The following MKNK1 variants were observed in gnomAD, a reference collection of about 807,000 sequenced individuals.
The protein encoded by MKNK1 is MAP kinase-interacting serine/threonine-protein kinase 1.
In MKNK1, 30 loss-of-function variants were observed where a neutral mutation model predicts 49.3. That is an observed-to-expected ratio of 0.61 (90% CI 0.46 to 0.83). The LOEUF (loss-of-function observed/expected upper bound fraction) is 0.83, where lower values mean the gene tolerates loss of function less well. Among genes scored for constraint, MKNK1 ranks in the 40% least tolerant of loss-of-function variants. The pLI is 0.00. For synonymous variants in MKNK1, 176 were observed against 201.7 expected (o/e 0.87, Z 1.08); for missense variants, 423 against 524.7 (o/e 0.81, Z 1.89).
At chr1:46,583,545 GA>G (rs1258722497) in intron 2 of MKNK1, among the ~76,000 whole-genome samples, 1 of 152,210 alleles carries the variant, frequency 6.6e-6, no homozygotes, top group African/African-American at 2.4e-5. Flanking sequence ...AAGGAGCTCA[GA>G]CAGGCAGGCT....
chr1:46,584,581 C>CA (rs1205452227), intron 2 of MKNK1: 1 of 151,198 alleles, frequency 6.6e-6, no homozygotes, highest in African/African-American at 2.4e-5. Context: ...ACTCTCTTCT[C>CA]AGAGGATCTG....
rs1398077468 is a variant in MKNK1, at chr1:46,583,248, G to T, written c.80C>A (p.Ser27Tyr). 2 of 1,614,042 alleles carry T rather than the reference G, an allele frequency of 1.2e-6. No homozygotes were observed. Among genetic ancestry groups the T allele is most frequent in the South Asian group, 1.1e-5 (1 of 91,044 alleles). The change falls in exon 3 of 13, where the codon TCC (serine) becomes TAC (tyrosine). Residue 27 changes from serine to tyrosine, a missense_variant. Physicochemically the swap from Ser to Tyr is moderately radical, Grantham distance 144. Transcript: ENST00000371945. ...KKKRRGRATD[S>Y]LPGKFEDMYK... ...CCAACCTTCAAACTTTCCTGGCAAG[G>T]AGTCAGTGGCCCGGCCCCTCCGCTT...
intron 2 of MKNK1, 133 bp from the exon 3 acceptor site, chr1:46,583,462 A>C: frequency 1.6e-6 from 1 of 611,210 alleles, no homozygotes; most frequent in Non-Finnish European, 2.8e-6. Context: ...ATATCTGTGA[A>C]GACTATTGAT....
chr1:46,565,385 G>A (rs190143084), intron 8 of MKNK1: 7 of 512,808 alleles, frequency 1.4e-5, no homozygotes, highest in African/African-American at 1.2e-4. Flanking sequence ...AGATTATTGT[G>A]AACTCAGACT....
At chr1:46,602,898 G>A (rs1393252019) in intron 1 of MKNK1, among the ~76,000 whole-genome samples, 1 of 152,226 alleles carries the variant, frequency 6.6e-6, no homozygotes, top group Non-Finnish European at 1.5e-5. Flanking sequence ...GAGACCACAT[G>A]CACTTTCTAA....
chr1:46,596,370 TA>T (rs1233357850), intron 1 of MKNK1, among the ~76,000 whole-genome samples: 1 of 152,168 alleles, frequency 6.6e-6, no homozygotes. Context: ...CATAAAAATG[TA>T]AAAAGTACAT....
chr1:46,601,138 A>G (rs1374623359), intron 1 of MKNK1, among the ~76,000 whole-genome samples: 1 of 152,176 alleles, frequency 6.6e-6, no homozygotes, highest in Non-Finnish European at 1.5e-5. Flanking sequence ...GCTGGTCTCG[A>G]ACTTCTGACC....
At chr1:46,568,565 T>A in intron 7 of MKNK1, 67 bp from the exon 8 acceptor site, 1 of 1,469,668 alleles carries the variant, frequency 6.8e-7, no homozygotes, top group Non-Finnish European at 9.5e-7. Context: ...CCACACACAA[T>A]TAATTTTTTC....
rs557896950 is a variant in MKNK1, at chr1:46,577,139, C to A, written c.199-485G>T. 3.9e-4 allele frequency among the ~76,000 whole-genome samples: 59 copies of A among 152,340 alleles called. 1 individual carries two copies. In the South Asian group the frequency reaches 0.012, roughly 30 times the overall value. On this transcript the variant is annotated intron_variant, in intron 4 of 12. Transcript: ENST00000371945. ...CCACGATCCCCCTGGCAGAAGTAGG[C>A]TCTTCCTCTTCTGAGAACTTACTCT...
chr1:46,587,335 A>C lies in MKNK1; in HGVS notation c.-2-4006T>G, dbSNP rs762504418. 2.0e-5 allele frequency among the ~76,000 whole-genome samples: 3 copies of C among 152,304 alleles called. No individual in the cohort carries two copies. In the South Asian group the frequency reaches 6.2e-4, roughly 32 times the overall value. Reference sequence around the variant, plus strand: ...AGTGGAGGTGGAAGTGGAACTGAAGAAGCAGCATGCTGCTTGCTGACAGGG... The same window carrying C: ...AGTGGAGGTGGAAGTGGAACTGAAGCAGCAGCATGCTGCTTGCTGACAGGG... On this transcript the variant is annotated intron_variant, in intron 2 of 12. Transcript: ENST00000371945.
rs1403252755 is a variant in MKNK1, at chr1:46,558,228, G to A, written c.*347C>T. On this transcript the variant is annotated 3_prime_UTR_variant, in exon 13 of 13. Transcript: ENST00000371945. The stretch of plus-strand genomic sequence containing the variant: ...TGCTTCTTGCTTCTCCCTGCAGGCT[G>A]CAGCCCCAGCCGCCACAGCTACAGC... 5 of 242,586 alleles carry A rather than the reference G, an allele frequency of 2.1e-5. No individual in the cohort carries two copies. Among genetic ancestry groups the A allele is most frequent in the Non-Finnish European group, 3.2e-5 (4 of 125,702 alleles). The allele number at this position is 242,586 out of a possible 1,614,324, so 15.0% of individuals were successfully genotyped here.
At chr1:46,558,930 G>T in intron 12 of MKNK1, 130 bp from the exon 13 acceptor site, 1 of 746,816 alleles carries the variant, frequency 1.3e-6, no homozygotes, top group Non-Finnish European at 2.2e-6. Context: ...GGGACGGGCT[G>T]CTCTCTCCAA....
chr1:46,588,762 C>T (rs907548635), intron 2 of MKNK1, among the ~76,000 whole-genome samples: 2 of 150,528 alleles, frequency 1.3e-5, no homozygotes, highest in East Asian at 2.0e-4. Context: ...GAGCCGAGAT[C>T]GCGCCACTGC....
rs530534175 is a variant in MKNK1, at chr1:46,572,834, G to A, written c.353-667C>T. The stretch of plus-strand genomic sequence containing the variant: ...GCTGAGGGGGCCTTTCTGCAGCAAC[G>A]TTTTCTCCCCTGCATCTGATCTCTG... On this transcript the variant is annotated intron_variant, in intron 6 of 12. Coordinates refer to ENST00000371945, the MANE Select transcript of MKNK1 (RefSeq NM_001135553.4). 1.5e-3 allele frequency among the ~76,000 whole-genome samples: 227 copies of A among 152,186 alleles called. 1 individual carries two copies. Among genetic ancestry groups the A allele is most frequent in the South Asian group, 2.5e-3 (12 of 4,822 alleles).
intron 2 of MKNK1, among the ~76,000 whole-genome samples, chr1:46,586,482 CCT>C (rs541505508): frequency 1.1e-4 from 17 of 152,170 alleles, no homozygotes; most frequent in Admixed American, 5.9e-4. Flanking sequence ...TGAGTGCTCC[CCT>C]GTGTTCCTAA....
At position 46,558,340 on chromosome 1, in the gene MKNK1, A is replaced by C. The variant is rs1426676404; in HGVS notation, c.*235T>G. 17 of 526,440 alleles carry C rather than the reference A, an allele frequency of 3.2e-5. No homozygotes were observed. The East Asian group carries it at 5.0e-4, about 15-fold the overall frequency. The allele number at this position is 526,440 out of a possible 1,614,324, so 32.6% of individuals were successfully genotyped here. A position where few individuals can be genotyped will look rare whatever the true frequency, so the allele number is the denominator to read the frequency against. ...ATGTTCCTGCTGCAGGCAATTATGC[A>C]AAGTGAGAAGTGATTGCTTTCCTTT... On this transcript the variant is annotated 3_prime_UTR_variant, in exon 13 of 13. Coordinates refer to ENST00000371945, the MANE Select transcript of MKNK1 (RefSeq NM_001135553.4).
Position 46,561,483 on chromosome 1 carries a change from G to A in MKNK1, c.964C>T (p.Gln322Ter). 6.2e-7 allele frequency: 1 copy of A among 1,611,740 alleles called. No homozygotes were observed. The highest frequency in any genetic ancestry group is 8.5e-7 in the Non-Finnish European group (1 of 1,178,472). Reference sequence around the variant, plus strand: ...CCCTCCCTGGAGTCACTCACCCCCTGCACCCATGGGTGCTGCAGAACTTGG... The same window carrying A: ...CCCTCCCTGGAGTCACTCACCCCCTACACCCATGGGTGCTGCAGAACTTGG... ...AAQVLQHPWVQGQAPEKGLPT... is the reference protein window; with the variant it reads ...AAQVLQHPWV The change falls in exon 11 of 13, where the codon CAG becomes TAG. Residue 322 changes from glutamine to a stop codon, truncating the protein, a stop_gained. Transcript: ENST00000371945. LOFTEE classifies it high-confidence loss of function.
At position 46,589,303 on chromosome 1, in the gene MKNK1, G is replaced by A. The variant is rs1381105743; in HGVS notation, c.-3+4810C>T. 6.6e-6 allele frequency among the ~76,000 whole-genome samples: 1 copy of A among 152,180 alleles called. No individual in the cohort carries two copies. The highest frequency in any genetic ancestry group is 1.5e-5 in the Non-Finnish European group (1 of 68,044). On this transcript the variant is annotated intron_variant, in intron 2 of 12. Transcript: ENST00000371945. The surrounding 1 kb of genome is among the most constrained non-coding windows in gnomAD (Gnocchi z 4.3). ...ACACAGCTAAGCCTCAATACCTGAG[G>A]GATGAGTGGGACAGGGCTGAGGCCT...
chr1:46,570,437 C>T lies in MKNK1; in HGVS notation c.457+1626G>A, dbSNP rs76874092. On this transcript the variant is annotated intron_variant, in intron 7 of 12. Coordinates refer to ENST00000371945, the MANE Select transcript of MKNK1 (RefSeq NM_001135553.4). Reference sequence around the variant, plus strand: ...CAGACACCCCCTTCTAGTTTTCATCCTAGGTGCAAGTCAGGGCCCCAACAT... The same window carrying T: ...CAGACACCCCCTTCTAGTTTTCATCTTAGGTGCAAGTCAGGGCCCCAACAT... 9.1e-4 allele frequency among the ~76,000 whole-genome samples: 139 copies of T among 152,366 alleles called. 2 individuals are homozygous for T. In the East Asian group the frequency reaches 0.014, roughly 15 times the overall value.
Sources: allele counts gnomAD v4.1 joint callset (sites outside exome capture counted in the v4.1 genomes callset), GRCh38; gene constraint gnomAD v4.1.1; non-coding constraint Gnocchi (gnomAD v3.1); transcripts MANE v1.5; gene names NCBI Gene and HGNC (gene_info 2026-07-23, HGNC 2026-07-21).